HNRNPM: variants seen among roughly 807,000 people sequenced by gnomAD.
The protein encoded by HNRNPM is heterogeneous nuclear ribonucleoprotein M, also known as CEA receptor.
Under a neutral mutation model 73.1 loss-of-function variants are expected in HNRNPM, and 11 were observed. That is an observed-to-expected ratio of 0.15 (90% CI 0.09 to 0.25). HNRNPM has a LOEUF of 0.25. Ranked by LOEUF, HNRNPM falls within the 10% of genes least tolerant of loss-of-function variation. The pLI is 1.00. For missense variants in HNRNPM, 789 were observed against 1,067.9 expected (o/e 0.74, Z 3.64); for synonymous variants, 407 against 355.2 (o/e 1.15, Z -1.64).
chr19:8,450,437 G>T (rs1968523444), intron 1 of HNRNPM, among the ~76,000 whole-genome samples: 1 of 152,132 alleles, frequency 6.6e-6, no homozygotes, highest in Non-Finnish European at 1.5e-5. Context: ...TTGAGATGGA[G>T]TTTCACTCTT....
At position 8,483,205 on chromosome 19, in the gene HNRNPM, G is replaced by A. The variant is rs1971040715; in HGVS notation, c.1168G>A (p.Gly390Arg). The change falls in exon 13 of 16, where the codon GGA (glycine) becomes AGA (arginine). Residue 390 changes from glycine (G) to arginine (R), a missense_variant. Physicochemically the swap from Gly to Arg is moderately radical, Grantham distance 125 (BLOSUM62 -2). Around this residue, in one of 4 missense-constraint regions of HNRNPM, gnomAD observed 604 missense variants for 744.0 expected, o/e 0.81. Transcript: ENST00000325495. ...LKRGEIIAKQ[G>R]GGGGGGSVPG... ...GAGAGGAGAGATCATTGCAAAGCAG[G>A]GAGGAGGTAGGAACCGCTTAGTTTG... is the stretch of plus-strand genomic sequence containing the variant. 1 of 1,610,964 alleles carries A rather than the reference G, an allele frequency of 6.2e-7. No individual in the cohort carries two copies. The highest frequency in any genetic ancestry group is 1.1e-5 in the South Asian group (1 of 90,980).
chr19:8,455,131 C>T (rs1485165792), intron 1 of HNRNPM, among the ~76,000 whole-genome samples: 1 of 152,050 alleles, frequency 6.6e-6, no homozygotes, highest in Admixed American at 6.6e-5. Context: ...CACCACCACA[C>T]CTGGCTAAGT....
rs1969680251 is a variant in HNRNPM, at chr19:8,465,453, C to G, written c.568C>G (p.Pro190Ala). The change falls in exon 6 of 16, where the codon CCA becomes GCA. Residue 190 changes from proline to alanine, a missense_variant. By Grantham distance (27) the Pro-to-Ala change is conservative (BLOSUM62 -1). Transcript: ENST00000325495. ...CAGTATCCTAAATAATCCCAACATC[C>G]CAAATGAGATTATCCATGCATTACA... ...PPSILNNPNIPNEIIHALQAG... is the reference protein window; with the variant it reads ...PPSILNNPNIANEIIHALQAG... 6 of 1,613,414 alleles carry G rather than the reference C, an allele frequency of 3.7e-6. No homozygotes were observed. In the East Asian group the frequency reaches 1.3e-4, roughly 36 times the overall value.
chr19:8,487,244 T>C lies in HNRNPM; in HGVS notation c.2029+169T>C, dbSNP rs1007845240. On this transcript the variant is annotated intron_variant, in intron 15 of 15. Coordinates refer to ENST00000325495, the MANE Select transcript of HNRNPM (RefSeq NM_005968.5). Reference sequence around the variant, plus strand: ...GCAGGTTGTTGAGTGTCCTGTGATGTGTCACATGTTTTTCAGCTGTGTTCT... The same window carrying C: ...GCAGGTTGTTGAGTGTCCTGTGATGCGTCACATGTTTTTCAGCTGTGTTCT... The C allele has an allele frequency of 2.1e-5, 14 of 674,992 alleles. No individual in the cohort carries two copies. The Admixed American group carries it at 2.9e-4, about 14-fold the overall frequency. The allele number at this position is 674,992 out of a possible 1,614,324, so 41.8% of individuals were successfully genotyped here.
intron 12 of HNRNPM, among the ~76,000 whole-genome samples, chr19:8,479,998 C>T (rs773933715): frequency 1.2e-3 from 170 of 147,038 alleles, no homozygotes; most frequent in Non-Finnish European, 2.1e-3. Context: ...TGGTCTTGAA[C>T]TCGGGACCTC....
At chr19:8,474,574 A>G (rs140425945) in intron 12 of HNRNPM, among the ~76,000 whole-genome samples, 165 of 152,250 alleles carry the variant, frequency 1.1e-3, no homozygotes, top group African/African-American at 3.7e-3. Flanking sequence ...TGTCTCTGGG[A>G]GTGCTGCAAA....
At chr19:8,461,049 CTAAAAG>C (rs1409095142) in intron 2 of HNRNPM, among the ~76,000 whole-genome samples, 3 of 152,176 alleles carry the variant, frequency 2.0e-5, no homozygotes, top group African/African-American at 7.2e-5. Flanking sequence ...AGTACATACT[CTAAAAG>C]TAAATTGTAC....
At chr19:8,455,948 T>TA (rs2145632158) in intron 2 of HNRNPM, among the ~76,000 whole-genome samples, 1 of 150,854 alleles carries the variant, frequency 6.6e-6, no homozygotes, top group South Asian at 2.1e-4. Flanking sequence ...TCTTTCCTTT[T>TA]TTTTTTTTTT....
rs1349843676 is a variant in HNRNPM, at chr19:8,473,669, G to A, written c.1003G>A (p.Gly335Arg). 2 of 1,568,340 alleles carry A rather than the reference G, an allele frequency of 1.3e-6. No homozygotes were observed. Among genetic ancestry groups the A allele is most frequent in the Non-Finnish European group, 8.8e-7 (1 of 1,140,894 alleles). The part of the protein sequence containing the change: ...GMGNIGPAGM[G>R]MEGIGFGINK... ...ATTGACTTTTTCTTTTTAAGGAATGGGAATGGAAGGCATAGGATTTGGAAT... is the reference window on the plus strand; with the variant it reads ...ATTGACTTTTTCTTTTTAAGGAATGAGAATGGAAGGCATAGGATTTGGAAT... Residue 335 changes from glycine to arginine, a missense_variant, in exon 11 of 16, where the codon GGA becomes AGA. Coordinates refer to ENST00000325495, the MANE Select transcript of HNRNPM (RefSeq NM_005968.5).
At chr19:8,472,735 A>C (rs1970237541) in intron 10 of HNRNPM, among the ~76,000 whole-genome samples, 1 of 152,092 alleles carries the variant, frequency 6.6e-6, no homozygotes, top group East Asian at 1.9e-4. Context: ...GGCATGTGCC[A>C]CCACACCCAG....
intron 12 of HNRNPM, among the ~76,000 whole-genome samples, chr19:8,480,056 A>G: frequency 7.2e-6 from 1 of 139,812 alleles, no homozygotes; most frequent in Admixed American, 6.9e-5. Flanking sequence ...TACAGGCATG[A>G]GCCACCGCAC....
At chr19:8,460,677 GGACAC>G (rs1421669398) in intron 2 of HNRNPM, among the ~76,000 whole-genome samples, 2 of 152,326 alleles carry the variant, frequency 1.3e-5, no homozygotes, top group African/African-American at 4.8e-5. Flanking sequence ...AGCGTCTTAT[GGACAC>G]AGACTAGAAA....
At chr19:8,472,384 A>G (rs986297640) in intron 10 of HNRNPM, among the ~76,000 whole-genome samples, 6 of 152,062 alleles carry the variant, frequency 3.9e-5, no homozygotes, top group African/African-American at 1.4e-4. Flanking sequence ...AGTGTTGCAT[A>G]TCCCTAGACT....
intron 12 of HNRNPM, among the ~76,000 whole-genome samples, chr19:8,477,115 G>A (rs1401651274): frequency 6.6e-6 from 1 of 152,042 alleles, no homozygotes; most frequent in Non-Finnish European, 1.5e-5. Flanking sequence ...TCATTACATC[G>A]CACCTATCTT....
In HNRNPM at chr19:8,486,171, G is replaced by A. The variant is rs895521937; in HGVS notation, c.1743G>A (p.Leu581=). 6 of 1,605,938 alleles carry A rather than the reference G, an allele frequency of 3.7e-6. No homozygotes were observed. The highest frequency in any genetic ancestry group is 4.2e-6 in the Non-Finnish European group (5 of 1,179,364). ...MGANSLERMG[L]ERMGANSLER... is the part of the protein sequence containing the mutation. ...CCAACAGCCTCGAGCGCATGGGCCT[G>A]GAGCGCATGGGTGCCAACAGCCTCG... The change falls in exon 14 of 16, where the codon CTG becomes CTA. Residue 581 remains leucine (L), a synonymous_variant. Coordinates refer to ENST00000325495, the MANE Select transcript of HNRNPM (RefSeq NM_005968.5).
chr19:8,474,738 A>G (rs1179295981), intron 12 of HNRNPM, among the ~76,000 whole-genome samples: 6 of 144,936 alleles, frequency 4.1e-5, no homozygotes, highest in African/African-American at 1.3e-4. Context: ...TTTTTGAGAC[A>G]GGGTCTCACT....
At chr19:8,447,758 G>A (rs1263276759) in intron 1 of HNRNPM, among the ~76,000 whole-genome samples, 3 of 152,152 alleles carry the variant, frequency 2.0e-5, no homozygotes, top group Non-Finnish European at 2.9e-5. Flanking sequence ...TGGGCCCGGC[G>A]GCTCACGCCT....
chr19:8,448,532 G>A (rs1968377760), intron 1 of HNRNPM, among the ~76,000 whole-genome samples: 1 of 147,486 alleles, frequency 6.8e-6, no homozygotes, highest in Non-Finnish European at 1.5e-5. Flanking sequence ...GTGCAGTGGC[G>A]CGATCTCAGC....
rs1190677546 is a variant in HNRNPM at position 8,474,261 on chromosome 19, CTTCCTGCT to C, written c.1120+21_1120+28del. 6.4e-7 allele frequency: 1 copy of C among 1,556,414 alleles called. No homozygotes were observed. On this transcript the variant is annotated intron_variant, in intron 12 of 15. Coordinates refer to ENST00000325495, the MANE Select transcript of HNRNPM (RefSeq NM_005968.5). ...GGATAAATGGTAAGCATCGTGTTTT[CTTCCTGCT>C]TTCACTCACCCTTTGCCGGCTGTTG... is the stretch of plus-strand genomic sequence containing the variant.
Sources: gnomAD v4.1 joint callset for allele counts (sites outside exome capture counted in the v4.1 genomes callset) on GRCh38, gnomAD v4.1.1 for gene constraint, gnomAD v4.1.1 regional missense constraint, MANE v1.5 for transcripts, NCBI Gene and HGNC (gene_info 2026-07-23, HGNC 2026-07-21) for gene names.